ADCY2: variants seen among roughly 807,000 people sequenced by gnomAD.
ADCY2 encodes the protein adenylate cyclase 2, also known as adenylate cyclase type 2.
ADCY2 carries 31 observed loss-of-function variants against 125.2 expected under a neutral mutation model. That is an observed-to-expected ratio of 0.25 (90% CI 0.19 to 0.33). The LOEUF is 0.33. ADCY2 is among the 10% of genes least tolerant of loss of function. ADCY2 has a pLI of 1.00. For synonymous variants in ADCY2, 512 were observed against 548.4 expected (o/e 0.93, Z 0.93); for missense variants, 904 against 1,418.2 (o/e 0.64, Z 5.82).
intron 12 of ADCY2, among the ~76,000 whole-genome samples, chr5:7,724,089 T>C (rs1248614215): frequency 2.3e-5 from 3 of 128,342 alleles, no homozygotes; most frequent in Non-Finnish European, 4.6e-5. Flanking sequence ...GGATGCTCTG[T>C]GATCTGTTGC....
rs1230323838 is a variant in ADCY2, at chr5:7,557,570, G to A, written c.570+36671G>A. Among the ~76,000 whole-genome samples the A allele has an allele frequency of 2.6e-5, 4 of 151,966 alleles. No individual in the cohort carries two copies. The South Asian group carries it at 8.3e-4, about 32-fold the overall frequency. On this transcript the variant is annotated intron_variant, in intron 3 of 24. Coordinates refer to ENST00000338316, the MANE Select transcript of ADCY2 (RefSeq NM_020546.3). The stretch of plus-strand genomic sequence containing the variant: ...GGCCCCAGAGTGTGTTCCCCTCTTT[G>A]TGTCCATGTGTTCTCATTTAGCTCT...
chr5:7,772,870 A>G, intron 17 of ADCY2, 62 bp from the exon 18 acceptor site: 1 of 1,526,732 alleles, frequency 6.5e-7, no homozygotes, highest in Non-Finnish European at 9.0e-7. Context: ...CCTGATTGTA[A>G]TTGTTTCAGC....
At chr5:7,688,052 C>T (rs60834942) in intron 4 of ADCY2, among the ~76,000 whole-genome samples, 9 of 16,054 alleles carry the variant, frequency 5.6e-4, no homozygotes, top group South Asian at 3.9e-3. Context: ...CTGGGATTTC[C>T]AAATAGATAG....
intron 3 of ADCY2, among the ~76,000 whole-genome samples, chr5:7,612,755 G>A (rs1398658199): frequency 3.3e-5 from 5 of 152,190 alleles, no homozygotes; most frequent in South Asian, 2.1e-4. Context: ...GGTGGCTCAC[G>A]CCTGTAATCC....
intron 14 of ADCY2, among the ~76,000 whole-genome samples, chr5:7,729,007 C>G (rs78174546): frequency 0.012 from 1,776 of 152,160 alleles, 26 homozygotes; most frequent in African/African-American, 0.041. Context: ...TTTATGAGGA[C>G]CCATGGATGT....
intron 18 of ADCY2, among the ~76,000 whole-genome samples, chr5:7,776,301 C>T (rs569162162): frequency 1.1e-4 from 16 of 151,472 alleles, no homozygotes; most frequent in Admixed American, 3.3e-4. Flanking sequence ...GCTCACAGGA[C>T]GGCCGGGCAG....
At chr5:7,667,230 G>A (rs909053412) in intron 4 of ADCY2, among the ~76,000 whole-genome samples, 1 of 152,144 alleles carries the variant, frequency 6.6e-6, no homozygotes, top group Non-Finnish European at 1.5e-5. Context: ...ACAAATAATA[G>A]GTGTCTCGGC....
At chr5:7,439,315 G>A (rs778565341) in intron 2 of ADCY2, among the ~76,000 whole-genome samples, 15 of 152,070 alleles carry the variant, frequency 9.9e-5, no homozygotes, top group Admixed American at 2.6e-4. Context: ...GCAAAGACAC[G>A]TCTTACATGG....
rs78196493 is a variant in ADCY2, at chr5:7,802,672, T to A, written c.2775+308T>A. ...GAATTCGCGGTAAAATACTTGCCCA[T>A]CCCTTTCTAGATAAAAAGATAATGA... On this transcript the variant is annotated intron_variant, in intron 21 of 24. Transcript: ENST00000338316. The surrounding 1 kb of genome is among the most constrained non-coding windows in gnomAD (Gnocchi z 4.6). Among the ~76,000 whole-genome samples the A allele has an allele frequency of 1.3e-3, 198 of 152,322 alleles. 2 individuals are homozygous for A. In the East Asian group the frequency reaches 0.021, roughly 16 times the overall value.
chr5:7,491,193 A>T (rs186105484), intron 2 of ADCY2, among the ~76,000 whole-genome samples: 6 of 152,200 alleles, frequency 3.9e-5, no homozygotes, highest in Non-Finnish European at 8.8e-5. Flanking sequence ...CTTGAATTCT[A>T]TGATACTCAG....
chr5:7,824,483 T>TG (rs1447553935), intron 24 of ADCY2, among the ~76,000 whole-genome samples: 3 of 152,174 alleles, frequency 2.0e-5, no homozygotes, highest in African/African-American at 7.2e-5. Flanking sequence ...CCACTTTTGG[T>TG]GGAAGGCCGC....
chr5:7,821,113 C>T (rs563804453), intron 24 of ADCY2, among the ~76,000 whole-genome samples: 28 of 152,234 alleles, frequency 1.8e-4, no homozygotes, highest in Admixed American at 1.3e-3. Context: ...AAGTGGTAGG[C>T]TTCGGAGAGG....
chr5:7,557,607 G>A (rs1735567145), intron 3 of ADCY2, among the ~76,000 whole-genome samples: 1 of 152,130 alleles, frequency 6.6e-6, no homozygotes, highest in Non-Finnish European at 1.5e-5. Context: ...AGTTATAAGT[G>A]AGAGCATGAG....
intron 2 of ADCY2, among the ~76,000 whole-genome samples, chr5:7,473,561 A>G (rs949886598): frequency 6.6e-6 from 1 of 152,192 alleles, no homozygotes; most frequent in Non-Finnish European, 1.5e-5. Flanking sequence ...GGAGGGGACA[A>G]ATATCCAAAT....
chr5:7,556,608 A>G (rs1735513988), intron 3 of ADCY2, among the ~76,000 whole-genome samples: 1 of 152,190 alleles, frequency 6.6e-6, no homozygotes, highest in African/African-American at 2.4e-5. Context: ...ACTTTAGACC[A>G]GGGGTCCCTG....
chr5:7,458,505 T>G (rs921597787), intron 2 of ADCY2, among the ~76,000 whole-genome samples: 1 of 152,134 alleles, frequency 6.6e-6, no homozygotes, highest in Non-Finnish European at 1.5e-5. Flanking sequence ...AATATGCGTT[T>G]AGGAAAAATA....
At chr5:7,667,690 T>A (rs369413871) in intron 4 of ADCY2, among the ~76,000 whole-genome samples, 212 of 152,338 alleles carry the variant, frequency 1.4e-3, no homozygotes, top group African/African-American at 4.9e-3. Context: ...TAAACTTAAC[T>A]AAATTTTCAT....
At chr5:7,486,705 A>G (rs529263508) in intron 2 of ADCY2, among the ~76,000 whole-genome samples, 1 of 152,096 alleles carries the variant, frequency 6.6e-6, no homozygotes, top group East Asian at 1.9e-4. Context: ...ACATTTTACA[A>G]AGAGAAATTT....
chr5:7,558,149 T>TTTAAGTGATTCTTGTGCCTCAA, intron 3 of ADCY2, among the ~76,000 whole-genome samples: 1 of 151,048 alleles, frequency 6.6e-6, no homozygotes, highest in Non-Finnish European at 1.5e-5. Flanking sequence ...GCCACCCGGG[T>TTTAAGTGATTCTTGTGCCTCAA]TTAAGTGATT....
Sources: allele counts gnomAD v4.1 joint callset (sites outside exome capture counted in the v4.1 genomes callset), GRCh38; gene constraint gnomAD v4.1.1; non-coding constraint Gnocchi (gnomAD v3.1); transcripts MANE v1.5; gene names NCBI Gene and HGNC (gene_info 2026-07-23, HGNC 2026-07-21).